CAMK1D: variants seen among roughly 807,000 people sequenced by gnomAD.
CAMK1D encodes calcium/calmodulin dependent protein kinase ID.
Under a neutral mutation model 47.7 loss-of-function variants are expected in CAMK1D, and 9 were observed. The ratio of observed to expected loss-of-function variants is 0.19; its 90% CI spans 0.11 to 0.33. CAMK1D has a LOEUF of 0.33. Among genes scored for constraint, CAMK1D ranks in the 10% least tolerant of loss-of-function variants. The probability of loss-of-function intolerance (pLI) is 1.00; values close to 1 mark genes in which losing one functional copy is unlikely to be tolerated. For synonymous variants in CAMK1D, 184 were observed against 184.9 expected (o/e 0.99, Z 0.04); for missense variants, 291 against 488.7 (o/e 0.60, Z 3.81).
intron 3 of CAMK1D, among the ~76,000 whole-genome samples, chr10:12,693,990 CATAT>C (rs1833055268): frequency 2.6e-4 from 12 of 46,886 alleles, no homozygotes; most frequent in South Asian, 7.8e-4. Flanking sequence ...ATTATATATA[CATAT>C]AATATATATA....
At chr10:12,563,022 C>T (rs1323720317) in intron 2 of CAMK1D, among the ~76,000 whole-genome samples, 1 of 152,188 alleles carries the variant, frequency 6.6e-6, no homozygotes, top group Non-Finnish European at 1.5e-5. Context: ...TGTAGATACA[C>T]AAAAAGATTT....
intron 2 of CAMK1D, among the ~76,000 whole-genome samples, chr10:12,660,188 T>G (rs1840235932): frequency 6.6e-6 from 1 of 152,244 alleles, no homozygotes; most frequent in African/African-American, 2.4e-5. Flanking sequence ...GCCCTGCAGA[T>G]CAGTAAAATG....
chr10:12,640,272 G>A (rs927985436), intron 2 of CAMK1D, among the ~76,000 whole-genome samples: 100 of 150,920 alleles, frequency 6.6e-4, no homozygotes, highest in African/African-American at 2.4e-3. Context: ...TGCCCAAGTT[G>A]CAGGTTCTGT....
At chr10:12,718,974 C>T (rs757638799) in intron 3 of CAMK1D, among the ~76,000 whole-genome samples, 2 of 152,122 alleles carry the variant, frequency 1.3e-5, no homozygotes, top group Non-Finnish European at 2.9e-5. Context: ...TTGCATAGAC[C>T]CCACTCTTGG....
At chr10:12,730,059 C>G (rs1300762286) in intron 3 of CAMK1D, among the ~76,000 whole-genome samples, 1 of 152,190 alleles carries the variant, frequency 6.6e-6, no homozygotes, top group Non-Finnish European at 1.5e-5. Context: ...CAGAACCACT[C>G]TGGCTGCTGT....
chr10:12,607,703 G>A (rs908574593), intron 2 of CAMK1D, among the ~76,000 whole-genome samples: 6 of 152,328 alleles, frequency 3.9e-5, no homozygotes, highest in Non-Finnish European at 5.9e-5. Flanking sequence ...GATCACACTT[G>A]TAATCCCAGC....
intron 2 of CAMK1D, among the ~76,000 whole-genome samples, chr10:12,641,882 T>C (rs1839676138): frequency 6.6e-6 from 1 of 151,820 alleles, no homozygotes; most frequent in Non-Finnish European, 1.5e-5. Context: ...CCATCTCTAC[T>C]AAAAATACAA....
At chr10:12,508,378 C>G (rs1448573832) in intron 1 of CAMK1D, among the ~76,000 whole-genome samples, 1 of 152,260 alleles carries the variant, frequency 6.6e-6, no homozygotes, top group East Asian at 1.9e-4. Context: ...TGAGAATGCG[C>G]TAAGCGAAAC....
intron 1 of CAMK1D, among the ~76,000 whole-genome samples, chr10:12,500,250 G>C (rs1463421337): frequency 6.6e-6 from 1 of 152,114 alleles, no homozygotes; most frequent in Non-Finnish European, 1.5e-5. Flanking sequence ...TGGGCAATAA[G>C]AGCAAGACTC....
intron 8 of CAMK1D, among the ~76,000 whole-genome samples, chr10:12,821,499 T>C (rs1588968762): frequency 6.6e-6 from 1 of 152,170 alleles, no homozygotes; most frequent in Non-Finnish European, 1.5e-5. Context: ...CAGGCCCATC[T>C]TGAGCAGGTG....
At chr10:12,730,572 CA>C (rs1834842275) in intron 3 of CAMK1D, among the ~76,000 whole-genome samples, 1 of 152,010 alleles carries the variant, frequency 6.6e-6, no homozygotes, top group South Asian at 2.1e-4. Context: ...ATGAGAGCAC[CA>C]AGGTAGTGAG....
intron 2 of CAMK1D, among the ~76,000 whole-genome samples, chr10:12,626,961 G>T (rs577184380): frequency 4.0e-5 from 6 of 151,896 alleles, no homozygotes; most frequent in Non-Finnish European, 7.4e-5. Context: ...TATAAATAAT[G>T]TTCACAGCAA....
At chr10:12,615,732 G>A (rs1429885585) in intron 2 of CAMK1D, among the ~76,000 whole-genome samples, 1 of 151,656 alleles carries the variant, frequency 6.6e-6, no homozygotes, top group Non-Finnish European at 1.5e-5. Context: ...GAGTGTGCAT[G>A]TGTGTGGGGG....
chr10:12,360,922 C>T (rs1022338642), intron 1 of CAMK1D, among the ~76,000 whole-genome samples: 12 of 152,144 alleles, frequency 7.9e-5, no homozygotes, highest in African/African-American at 2.4e-4. Flanking sequence ...CTACCATGGA[C>T]GCCAGGGCTT....
Position 12,833,362 on chromosome 10 carries a change from C to T in CAMK1D, c.*4475C>T, listed in dbSNP as rs1833451067. 6.6e-6 allele frequency: 1 copy of T among 152,270 alleles called. No homozygotes were observed. The highest frequency in any genetic ancestry group is 1.5e-5 in the Non-Finnish European group (1 of 68,086). The allele number at this position is 152,270 out of a possible 1,614,324, so 9.4% of individuals were successfully genotyped here. ...CTTTGGAAAGTGGATTGATCCTCTC[C>T]CCTGTGGAATGACAGCTTAACCTGA... is the stretch of plus-strand genomic sequence containing the variant. On this transcript the variant is annotated 3_prime_UTR_variant, in exon 11 of 11. Transcript: ENST00000619168.
chr10:12,614,906 C>T (rs556493373), intron 2 of CAMK1D, among the ~76,000 whole-genome samples: 1 of 152,290 alleles, frequency 6.6e-6, no homozygotes, highest in South Asian at 2.1e-4. Flanking sequence ...AAGTCGCCAT[C>T]CTTAGAAGTG....
rs1381465237 is a variant in CAMK1D at position 12,830,306 on chromosome 10, G to A, written c.*1419G>A. 1 of 152,240 alleles carries A rather than the reference G, an allele frequency of 6.6e-6. No individual in the cohort carries two copies. The highest frequency in any genetic ancestry group is 2.4e-5 in the African/African-American group (1 of 41,430). The allele number at this position is 152,240 out of a possible 1,614,324, so 9.4% of individuals were successfully genotyped here. On this transcript the variant is annotated 3_prime_UTR_variant, in exon 11 of 11. Transcript: ENST00000619168. Reference sequence around the variant, plus strand: ...TGAATGTTTTCCAAGGGAAGGAAGGGAGGGAAGCAGCCTTGGGAAAGGATC... The same window carrying A: ...TGAATGTTTTCCAAGGGAAGGAAGGAAGGGAAGCAGCCTTGGGAAAGGATC...
intron 1 of CAMK1D, among the ~76,000 whole-genome samples, chr10:12,541,644 G>T (rs531505356): frequency 6.6e-6 from 1 of 152,188 alleles, no homozygotes; most frequent in Non-Finnish European, 1.5e-5. Flanking sequence ...ACAGGCGTGA[G>T]CCACTGCGCC....
At chr10:12,704,820 T>A (rs1177099029) in intron 3 of CAMK1D, among the ~76,000 whole-genome samples, 1 of 152,238 alleles carries the variant, frequency 6.6e-6, no homozygotes, top group Non-Finnish European at 1.5e-5. Flanking sequence ...ATTGTATGAG[T>A]ATAATGCAAG....
Sources: allele counts gnomAD v4.1 joint callset (sites outside exome capture counted in the v4.1 genomes callset), GRCh38; gene constraint gnomAD v4.1.1; transcripts MANE v1.5; gene names NCBI Gene and HGNC (gene_info 2026-07-23, HGNC 2026-07-21).